Variants in CRTC1 observed in about 807,000 individuals in gnomAD.
The protein encoded by CRTC1 is CREB-regulated transcription coactivator 1.
Under a neutral mutation model 66.1 loss-of-function variants are expected in CRTC1, and 18 were observed. The ratio of observed to expected loss-of-function variants is 0.27; its 90% CI spans 0.19 to 0.40. The LOEUF (loss-of-function observed/expected upper bound fraction) is 0.40, where lower values mean the gene tolerates loss of function less well. CRTC1 is among the 10% of genes least tolerant of loss of function. The probability of loss-of-function intolerance (pLI) is 1.00; values close to 1 mark genes in which losing one functional copy is unlikely to be tolerated. For synonymous variants in CRTC1, 416 were observed against 398.8 expected, an observed-to-expected ratio of 1.04 and a Z score of -0.51; for missense variants, 669 against 887.9, an observed-to-expected ratio of 0.75 and a Z score of 3.13.
intron 1 of CRTC1, among the ~76,000 whole-genome samples, chr19:18,720,802 G>T (rs1600837933): frequency 6.6e-6 from 1 of 152,102 alleles, no homozygotes; most frequent in East Asian, 1.9e-4. Context: ...GCACCCGGCT[G>T]AGTTTTGGAA....
intron 1 of CRTC1, among the ~76,000 whole-genome samples, chr19:18,727,814 C>T (rs568492957): frequency 6.6e-6 from 1 of 152,100 alleles, no homozygotes; most frequent in South Asian, 2.1e-4. Context: ...CTCTGCCTCC[C>T]AGGTTCAGGA....
chr19:18,753,600 GC>G lies in CRTC1; in HGVS notation c.624+16del. 6.3e-7 allele frequency: 1 copy of G among 1,593,668 alleles called. No homozygotes were observed. Among genetic ancestry groups the G allele is most frequent in the Non-Finnish European group, 8.6e-7 (1 of 1,169,142 alleles). ...ACACCAAGAAGGTAAGAGCCTATGA[GC>G]TTTCAAAAACTTTTTTTCTTCTTTC... On this transcript the variant is annotated intron_variant, in intron 6 of 13. Transcript: ENST00000321949.
chr19:18,781,192 C>T lies in CRTC1; in HGVS notation c.*3810C>T, dbSNP rs1314057130. ...CACAGATGTGCCCCTGGGCCTGGCC[C>T]GTCACCCACATGTGGTGCCCTGGGC... On this transcript the variant is annotated 3_prime_UTR_variant, in exon 14 of 14. Coordinates refer to ENST00000321949, the MANE Select transcript of CRTC1 (RefSeq NM_015321.3). The T allele has an allele frequency of 4.8e-5, 11 of 226,902 alleles. No homozygotes were observed. Among genetic ancestry groups the T allele is most frequent in the South Asian group, 1.8e-4 (1 of 5,474 alleles). The allele number at this position is 226,902 out of a possible 1,614,324, so 14.1% of individuals were successfully genotyped here.
chr19:18,770,325 A>G (rs1183446370), intron 10 of CRTC1, among the ~76,000 whole-genome samples: 1 of 152,200 alleles, frequency 6.6e-6, no homozygotes, highest in African/African-American at 2.4e-5. Context: ...TGCCCCTTGC[A>G]GGTCTCAGAT....
At chr19:18,736,759 GC>G (rs970969129) in intron 1 of CRTC1, among the ~76,000 whole-genome samples, 2 of 150,248 alleles carry the variant, frequency 1.3e-5, no homozygotes, top group Admixed American at 6.6e-5. Context: ...TCCCTCCCTG[GC>G]CCCCCCACAG....
rs2055077476 is a variant in CRTC1, at chr19:18,780,237, C to T, written c.*2855C>T. ...TTAGAGGCTGCTCTCCCCACGCACC[C>T]ATGTGCTCATGGCTTCTGCAGACCC... On this transcript the variant is annotated 3_prime_UTR_variant, in exon 14 of 14. Transcript: ENST00000321949. 4.3e-6 allele frequency: 1 copy of T among 231,676 alleles called. No homozygotes were observed. The highest frequency in any genetic ancestry group is 2.2e-5 in the African/African-American group (1 of 45,238). 14.4% of individuals were successfully genotyped at this position (231,676 alleles called of 1,614,324 possible). A position where few individuals can be genotyped will look rare whatever the true frequency, so the allele number is the denominator to read the frequency against.
At chr19:18,767,259 C>T (rs1007015136) in intron 9 of CRTC1, among the ~76,000 whole-genome samples, 2 of 151,690 alleles carry the variant, frequency 1.3e-5, no homozygotes, top group East Asian at 1.9e-4. Context: ...AGTGCAGTGG[C>T]GTGCTCTTGG....
At chr19:18,755,593 CTTTTTTTTTT>C (rs58121199) in intron 6 of CRTC1, among the ~76,000 whole-genome samples, 75 of 107,492 alleles carry the variant, frequency 7.0e-4, no homozygotes, top group Admixed American at 6.0e-3. Context: ...CCAAACCTGG[CTTTTTTTTTT>C]TTTTTTTTTT....
intron 9 of CRTC1, among the ~76,000 whole-genome samples, 166 bp downstream of exon 9, chr19:18,765,694 C>G (rs2054716926): frequency 6.6e-6 from 1 of 152,228 alleles, no homozygotes; most frequent in Non-Finnish European, 1.5e-5. Flanking sequence ...GGTGCCGTAG[C>G]TCATGCCTGT....
intron 2 of CRTC1, chr19:18,744,114 G>A (rs778482371): frequency 3.1e-6 from 5 of 1,612,894 alleles, no homozygotes; most frequent in Admixed American, 1.7e-5. Context: ...TCAGCCCAGC[G>A]GATTTCTGGG....
chr19:18,694,179 T>C (rs1289219515), intron 1 of CRTC1, among the ~76,000 whole-genome samples: 8 of 149,128 alleles, frequency 5.4e-5, no homozygotes, highest in Admixed American at 5.4e-4. Flanking sequence ...CTCATGCCTG[T>C]GGTCCCAGCT....
At position 18,765,536 on chromosome 19, in the gene CRTC1, G is replaced by T; in HGVS notation, c.1011+8G>T. On this transcript the variant is annotated splice_region_variant and intron_variant, in intron 9 of 13. Transcript: ENST00000321949. ...CTGTCACCCATCACTCAGGTGCGAG[G>T]GCAAGGTGGGGGGCAGGTGGGAGGG... 1 of 1,598,892 alleles carries T rather than the reference G, an allele frequency of 6.3e-7. No individual in the cohort carries two copies. The highest frequency in any genetic ancestry group is 8.5e-7 in the Non-Finnish European group (1 of 1,175,712).
At chr19:18,750,446 C>T (rs1451411194) in intron 5 of CRTC1, among the ~76,000 whole-genome samples, 1 of 152,194 alleles carries the variant, frequency 6.6e-6, no homozygotes, top group South Asian at 2.1e-4. Flanking sequence ...CAGATCTGTA[C>T]CCAGGTCCTT....
At chr19:18,767,805 C>T (rs2054770199) in intron 9 of CRTC1, among the ~76,000 whole-genome samples, 1 of 152,326 alleles carries the variant, frequency 6.6e-6, no homozygotes. Flanking sequence ...CCTCAGAGGC[C>T]GGGCATCCTG....
chr19:18,778,214 C>T lies in CRTC1; in HGVS notation c.*832C>T, dbSNP rs982399302. On this transcript the variant is annotated 3_prime_UTR_variant, in exon 14 of 14. Transcript: ENST00000321949. Reference sequence around the variant, plus strand: ...AATCCGTGGCCCCTCCTGTCCTGCACTGTGGTCACCGGTCCTGTCATAGAT... The same window carrying T: ...AATCCGTGGCCCCTCCTGTCCTGCATTGTGGTCACCGGTCCTGTCATAGAT... 48 of 232,878 alleles carry T rather than the reference C, an allele frequency of 2.1e-4. No individual in the cohort carries two copies. The highest frequency in any genetic ancestry group is 3.9e-4 in the Non-Finnish European group (46 of 117,854). The allele number at this position is 232,878 out of a possible 1,614,324, so 14.4% of individuals were successfully genotyped here.
chr19:18,707,969 T>C (rs976037682), intron 1 of CRTC1, among the ~76,000 whole-genome samples: 1 of 152,226 alleles, frequency 6.6e-6, no homozygotes, highest in African/African-American at 2.4e-5. Flanking sequence ...TGTCAATGCA[T>C]GAACAGTCCT....
rs1333838853 is a variant in CRTC1, at chr19:18,768,725, C to T, written c.1252C>T (p.Pro418Ser). ...PQPPPLAVTV[P>S]SSLPQSPPEN... Reference sequence around the variant, plus strand: ...GCCGCCCCCGCTTGCAGTCACGGTACCGTCCTCTCTCCCCCAGTCCCCCCC... The same window carrying T: ...GCCGCCCCCGCTTGCAGTCACGGTATCGTCCTCTCTCCCCCAGTCCCCCCC... The change falls in exon 10 of 14, where the codon CCG becomes TCG. Residue 418 changes from proline (P) to serine (S), a missense_variant. This residue lies in a region of CRTC1 where 241 missense variants were observed against 242.2 expected (regional missense o/e 0.99). Coordinates refer to ENST00000321949, the MANE Select transcript of CRTC1 (RefSeq NM_015321.3). The surrounding 1 kb of genome is among the most constrained non-coding windows in gnomAD (Gnocchi z 5.6). The T allele has an allele frequency of 6.3e-7, 1 of 1,598,152 alleles. No homozygotes were observed. The highest frequency in any genetic ancestry group is 1.7e-5 in the Admixed American group (1 of 59,034).
At chr19:18,746,355 G>A (rs1190429185) in intron 3 of CRTC1, among the ~76,000 whole-genome samples, 2 of 152,174 alleles carry the variant, frequency 1.3e-5, no homozygotes, top group Non-Finnish European at 2.9e-5. Context: ...GGGCAGCCCA[G>A]CCAAGGCAAT....
chr19:18,701,338 C>T (rs1055727598), intron 1 of CRTC1, among the ~76,000 whole-genome samples: 26 of 152,246 alleles, frequency 1.7e-4, no homozygotes, highest in Admixed American at 1.1e-3. Context: ...CTTGAGGAGT[C>T]GTCACATGGA....
Sources: allele counts gnomAD v4.1 joint callset (sites outside exome capture counted in the v4.1 genomes callset), GRCh38; gene constraint gnomAD v4.1.1; regional missense constraint gnomAD v4.1.1; non-coding constraint Gnocchi (gnomAD v3.1); transcripts MANE v1.5; gene names NCBI Gene and HGNC (gene_info 2026-07-23, HGNC 2026-07-21).